FBXO25: variants seen among roughly 807,000 people sequenced by gnomAD.
FBXO25 encodes the protein F-box protein 25, also known as F-box only protein 25.
Under a neutral mutation model 51.9 loss-of-function variants are expected in FBXO25, and 45 were observed. That is an observed-to-expected ratio of 0.87 (90% confidence interval 0.68 to 1.11). The LOEUF (loss-of-function observed/expected upper bound fraction) is 1.11, where lower values mean the gene tolerates loss of function less well. Among genes scored for constraint, FBXO25 ranks in the 50% most tolerant of loss-of-function variants. The probability of loss-of-function intolerance (pLI) is 0.00; values close to 1 mark genes in which losing one functional copy is unlikely to be tolerated. For missense variants in FBXO25, 507 were observed against 428.5 expected (o/e 1.18, Z -1.62); for synonymous variants, 199 against 151.0 (o/e 1.32, Z -2.33).
intron 9 of FBXO25, among the ~76,000 whole-genome samples, chr8:465,781 C>G (rs1465590974): frequency 6.6e-6 from 1 of 152,162 alleles, no homozygotes; most frequent in Non-Finnish European, 1.5e-5. Flanking sequence ...GATTTTGGAG[C>G]ATCTCAGATT....
At chr8:443,249 C>A (rs569319385) in intron 5 of FBXO25, among the ~76,000 whole-genome samples, 1 of 151,018 alleles carries the variant, frequency 6.6e-6, no homozygotes, top group East Asian at 1.9e-4. Flanking sequence ...AAAAGTTTGT[C>A]CTCCAGGCAA....
At chr8:443,259 A>G (rs538332535) in intron 5 of FBXO25, among the ~76,000 whole-genome samples, 1 of 150,946 alleles carries the variant, frequency 6.6e-6, no homozygotes, top group South Asian at 2.1e-4. Context: ...CCTCCAGGCA[A>G]GTATCCGAAT....
rs993708086 is a variant in FBXO25, at chr8:471,565, C to T, written c.*2761C>T. Reference sequence around the variant, plus strand: ...TAGTAAGTTTCACTTGCCCATCGCTCCTGTGAAAGGCAATGCCAGACACTC... The same window carrying T: ...TAGTAAGTTTCACTTGCCCATCGCTTCTGTGAAAGGCAATGCCAGACACTC... On this transcript the variant is annotated 3_prime_UTR_variant, in exon 10 of 10. Transcript: ENST00000350302. 1.3e-5 allele frequency: 2 copies of T among 152,188 alleles called. No individual in the cohort carries two copies. Among genetic ancestry groups the T allele is most frequent in the Non-Finnish European group, 2.9e-5 (2 of 68,052 alleles). The allele number at this position is 152,188 out of a possible 1,614,324, so 9.4% of individuals were successfully genotyped here.
intron 6 of FBXO25, among the ~76,000 whole-genome samples, chr8:450,468 G>T (rs1799008833): frequency 6.6e-6 from 1 of 152,158 alleles, no homozygotes; most frequent in African/African-American, 2.4e-5. Context: ...TAATGAGCTT[G>T]CCTTGATAAG....
intron 9 of FBXO25, chr8:467,921 G>C (rs954099295): frequency 2.7e-6 from 4 of 1,456,392 alleles, no homozygotes; most frequent in East Asian, 4.9e-5. Context: ...ACCTCAGCAA[G>C]GACGAGAGTG....
chr8:461,319 T>C (rs188744548), intron 8 of FBXO25, among the ~76,000 whole-genome samples: 7 of 152,288 alleles, frequency 4.6e-5, no homozygotes, highest in Admixed American at 4.6e-4. Flanking sequence ...ACTGGGTAAT[T>C]TTTAAAGAAA....
At chr8:418,768 G>C (rs62483097) in intron 2 of FBXO25, among the ~76,000 whole-genome samples, 16,860 of 152,228 alleles carry the variant, frequency 0.11, 984 homozygotes, top group South Asian at 0.15. Context: ...AACAACAGGA[G>C]AAATCAAAGT....
At chr8:431,941 G>A (rs377371494) in intron 3 of FBXO25, among the ~76,000 whole-genome samples, 2 of 152,188 alleles carry the variant, frequency 1.3e-5, no homozygotes, top group East Asian at 3.8e-4. Flanking sequence ...CCTTACCTCA[G>A]GGGATAGACC....
chr8:464,020 G>C (rs1799989856), intron 9 of FBXO25, among the ~76,000 whole-genome samples: 3 of 152,024 alleles, frequency 2.0e-5, no homozygotes, highest in Admixed American at 2.0e-4. Context: ...GGCAGTTATG[G>C]GTGCAGTGGC....
chr8:435,537 A>C (rs1374085674), intron 4 of FBXO25, 78 bp from the exon 5 acceptor site: 1 of 1,461,952 alleles, frequency 6.8e-7, no homozygotes. Flanking sequence ...AATTTTTTTA[A>C]TCGCACAATT....
intron 2 of FBXO25, among the ~76,000 whole-genome samples, chr8:429,893 C>T (rs1344827327): frequency 6.6e-6 from 1 of 152,246 alleles, no homozygotes; most frequent in Non-Finnish European, 1.5e-5. Context: ...CCACAGCCAT[C>T]TAGGCCCAGA....
intron 1 of FBXO25, among the ~76,000 whole-genome samples, chr8:407,787 T>TCCC (rs1008230999): frequency 2.6e-5 from 4 of 152,072 alleles, no homozygotes; most frequent in Non-Finnish European, 4.4e-5. Context: ...CTCTGTCTCC[T>TCCC]CCCTTAATTT....
chr8:436,732 C>T (rs1355433821), intron 5 of FBXO25, among the ~76,000 whole-genome samples: 2 of 152,038 alleles, frequency 1.3e-5, no homozygotes, highest in East Asian at 1.9e-4. Flanking sequence ...CTTAAGTAGC[C>T]GGGAAAAACA....
chr8:418,103 G>C (rs1796919140), intron 2 of FBXO25, among the ~76,000 whole-genome samples: 2 of 152,082 alleles, frequency 1.3e-5, no homozygotes, highest in Admixed American at 1.3e-4. Flanking sequence ...TTCATCATGA[G>C]GGAATAATGG....
At chr8:448,973 A>G (rs899537269) in intron 5 of FBXO25, among the ~76,000 whole-genome samples, 10 of 152,234 alleles carry the variant, frequency 6.6e-5, no homozygotes, top group African/African-American at 2.4e-4. Context: ...TACAGAGAGA[A>G]CGCAAAGTTT....
intron 2 of FBXO25, among the ~76,000 whole-genome samples, chr8:425,538 C>T (rs4101518): frequency 2.0e-5 from 3 of 150,768 alleles, no homozygotes; most frequent in Non-Finnish European, 4.4e-5. Flanking sequence ...GTAATAATTC[C>T]CCTCTTTCTT....
At position 468,786 on chromosome 8, in the gene FBXO25, C is replaced by T. The variant is rs368181931; in HGVS notation, c.1059C>T (p.Ile353=). The change falls in exon 10 of 10, where the codon ATC becomes ATT. Residue 353 remains isoleucine (I), a synonymous_variant. Transcript: ENST00000350302. ...CGCCTGTGTCTCCGCAGCACTTCAT[C>T]GACCTCTTCAAGTTTTAAGGGCTGC... ...CFTPVSPQHF[I]DLFKF is the part of the protein sequence containing the mutation. 1.8e-5 allele frequency: 29 copies of T among 1,613,972 alleles called. No homozygotes were observed. In the African/African-American group the frequency reaches 2.1e-4, roughly 12 times the overall value.
intron 2 of FBXO25, among the ~76,000 whole-genome samples, chr8:419,056 A>G (rs1274390873): frequency 6.6e-6 from 1 of 152,222 alleles, no homozygotes; most frequent in Non-Finnish European, 1.5e-5. Context: ...ACCTAAAGTC[A>G]TCATTAGAAA....
At chr8:428,937 A>G (rs1797655548) in intron 2 of FBXO25, among the ~76,000 whole-genome samples, 1 of 152,198 alleles carries the variant, frequency 6.6e-6, no homozygotes, top group Admixed American at 6.5e-5. Context: ...TTATCTATTC[A>G]TCCACTGATG....
Sources: allele counts gnomAD v4.1 joint callset (sites outside exome capture counted in the v4.1 genomes callset), GRCh38; gene constraint gnomAD v4.1.1; transcripts MANE v1.5; gene names NCBI Gene and HGNC (gene_info 2026-07-23, HGNC 2026-07-21).